The following BMX variants were observed in gnomAD, a reference collection of about 807,000 sequenced individuals.
BMX encodes BMX non-receptor tyrosine kinase.
BMX carries 31 observed loss-of-function variants against 59.2 expected under a neutral mutation model. The ratio of observed to expected loss-of-function variants is 0.52; its 90% CI spans 0.39 to 0.71. The LOEUF (loss-of-function observed/expected upper bound fraction) is 0.71, where lower values mean the gene tolerates loss of function less well. Ranked by LOEUF, BMX falls within the 30% of genes least tolerant of loss-of-function variation. BMX has a pLI of 0.00. For synonymous variants in BMX, 185 were observed against 181.0 expected, an observed-to-expected ratio of 1.02 and a Z score of -0.18; for missense variants, 474 against 491.7, an observed-to-expected ratio of 0.96 and a Z score of 0.34.
At chrX:15,503,364 G>A (rs1923635487) in intron 1 of BMX, among the ~76,000 whole-genome samples, 1 of 112,533 alleles carries the variant, frequency 8.9e-6, no homozygotes, top group Non-Finnish European at 1.9e-5. Flanking sequence ...CCAATAAAAT[G>A]TCTCTTGCAC....
chrX:15,545,473 C>G (rs1414682992), intron 16 of BMX, among the ~76,000 whole-genome samples: 1 of 112,467 alleles, frequency 8.9e-6, no homozygotes, highest in Admixed American at 9.4e-5. Context: ...GGAGGGGCCG[C>G]ACGCACAGTG....
intron 18 of BMX, among the ~76,000 whole-genome samples, chrX:15,554,813 A>G (rs1047840775): frequency 2.7e-5 from 3 of 111,692 alleles, no homozygotes; most frequent in Non-Finnish European, 5.6e-5. Flanking sequence ...CCATCTTATC[A>G]TCAGGAATGA....
intron 4 of BMX, among the ~76,000 whole-genome samples, chrX:15,515,237 G>T (rs1012461707): frequency 1.8e-5 from 2 of 109,835 alleles, no homozygotes; most frequent in Non-Finnish European, 3.8e-5. Context: ...GTTGATGGGT[G>T]CAGCAAACCA....
At chrX:15,508,950 C>A (rs1400590172) in intron 2 of BMX, among the ~76,000 whole-genome samples, 4 of 112,114 alleles carry the variant, frequency 3.6e-5, no homozygotes, top group Non-Finnish European at 7.5e-5. Flanking sequence ...AGAAATAAGA[C>A]TATTCCTGTA....
chrX:15,548,645 T>C (rs951731269), intron 17 of BMX, among the ~76,000 whole-genome samples: 7 of 111,680 alleles, frequency 6.3e-5, no homozygotes, highest in African/African-American at 2.3e-4. Context: ...AAATTCATTC[T>C]TAAACAATAT....
chrX:15,541,687 T>G (rs950931541), intron 14 of BMX, among the ~76,000 whole-genome samples: 4 of 111,545 alleles, frequency 3.6e-5, no homozygotes, highest in Non-Finnish European at 5.7e-5. Context: ...GGGTTTCCAG[T>G]GCAACAGACC....
chrX:15,546,758 T>C (rs768254030), intron 16 of BMX, 45 bp from the exon 17 acceptor site: 59 of 1,091,220 alleles, frequency 5.4e-5, no homozygotes, highest in Non-Finnish European at 7.3e-5. Flanking sequence ...CATCAGCCTG[T>C]ACCACCACGG....
chrX:15,547,291 T>C (rs1925989711), intron 17 of BMX, among the ~76,000 whole-genome samples: 1 of 111,915 alleles, frequency 8.9e-6, no homozygotes, highest in Non-Finnish European at 1.9e-5. Context: ...CCAGTGAAGA[T>C]TTCAAATAAT....
intron 1 of BMX, among the ~76,000 whole-genome samples, chrX:15,501,502 T>C (rs1024321076): frequency 8.9e-6 from 1 of 112,460 alleles, no homozygotes; most frequent in Admixed American, 9.4e-5. Flanking sequence ...CTCATATCCA[T>C]ATAATTTTGA....
chrX:15,515,341 TTAA>T (rs993729777), intron 4 of BMX, among the ~76,000 whole-genome samples: 8 of 110,224 alleles, frequency 7.3e-5, no homozygotes, highest in African/African-American at 6.6e-5. Context: ...ATTTTAAAAA[TTAA>T]TAATAATAAT....
chrX:15,502,645 T>C, intron 1 of BMX, among the ~76,000 whole-genome samples: 1 of 112,199 alleles, frequency 8.9e-6, no homozygotes, highest in Non-Finnish European at 1.9e-5. Flanking sequence ...CAACTTTAAC[T>C]TTCCCTCTCC....
intron 14 of BMX, among the ~76,000 whole-genome samples, chrX:15,540,301 A>G (rs746871197): frequency 1.8e-5 from 2 of 110,977 alleles, no homozygotes; most frequent in Non-Finnish European, 3.8e-5. Context: ...TGAAGCTGGA[A>G]ACCATCATTC....
chrX:15,522,300 A>T, intron 6 of BMX, 46 bp from the exon 7 acceptor site: 1 of 1,193,779 alleles, frequency 8.4e-7, no homozygotes, highest in Non-Finnish European at 1.1e-6. Flanking sequence ...CCGGTACCTG[A>T]ATCTGTGCCT....
In BMX at chrX:15,537,302, T is replaced by C. The variant is rs1389973115; in HGVS notation, c.1391T>C (p.Met464Thr). The change falls in exon 14 of 19, where the codon ATG (methionine) becomes ACG (threonine). Residue 464 changes from methionine to threonine, a missense_variant. Met to Thr is a moderately conservative substitution (Grantham distance 81, BLOSUM62 -1). Transcript: ENST00000348343. Reference protein sequence around the residue: ...EDEFFQEAQTMMKLSHPKLVK... With the variant: ...EDEFFQEAQTTMKLSHPKLVK... ...GAATTCTTTCAGGAGGCCCAGACTA[T>C]GATGTAAGTTTTTCCCAAGGAATGG... The C allele has an allele frequency of 2.5e-6, 3 of 1,210,240 alleles. No homozygotes were observed. Among genetic ancestry groups the C allele is most frequent in the Non-Finnish European group, 3.4e-6 (3 of 894,876 alleles).
chrX:15,529,887 C>T, intron 9 of BMX, 86 bp from the exon 10 acceptor site: 1 of 880,571 alleles, frequency 1.1e-6, no homozygotes, highest in Non-Finnish European at 1.6e-6. Context: ...AAGCCAATGC[C>T]TCATTTTACA....
At chrX:15,524,499 C>G (rs1174291755) in intron 7 of BMX, among the ~76,000 whole-genome samples, 1 of 112,115 alleles carries the variant, frequency 8.9e-6, no homozygotes, top group African/African-American at 3.2e-5. Flanking sequence ...AAGTGATGCA[C>G]TATTGATGGA....
At chrX:15,555,231 CAG>C (rs1323637386) in intron 18 of BMX, among the ~76,000 whole-genome samples, 2 of 56,424 alleles carry the variant, frequency 3.5e-5, no homozygotes, top group Admixed American at 3.1e-4. Flanking sequence ...TTTTTTAAGA[CAG>C]AGTCTTGCTC....
intron 1 of BMX, among the ~76,000 whole-genome samples, chrX:15,502,273 CATGTTTAATTCAGCATGAGATGCT>C (rs1923596338): frequency 1.8e-5 from 2 of 111,976 alleles, no homozygotes; most frequent in Admixed American, 1.9e-4. Flanking sequence ...AGCAGTGTTA[CATGTTTAATTCAGCATGAGATGCT>C]AGCTCATGGA....
chrX:15,538,579 CACTT>C (rs1440762915), intron 14 of BMX, among the ~76,000 whole-genome samples: 1 of 111,844 alleles, frequency 8.9e-6, no homozygotes, highest in Non-Finnish European at 1.9e-5. Context: ...AATATTAACT[CACTT>C]AATCCCCATA....
Sources: allele counts gnomAD v4.1 joint callset (sites outside exome capture counted in the v4.1 genomes callset), GRCh38; gene constraint gnomAD v4.1.1; transcripts MANE v1.5; gene names NCBI Gene and HGNC (gene_info 2026-07-23, HGNC 2026-07-21).